The following CTNND2 variants were observed in gnomAD, a reference collection of about 807,000 sequenced individuals.
CTNND2 encodes catenin delta 2, also known as catenin delta-2.
A neutral mutation model predicts 144.4 loss-of-function variants in CTNND2; 22 were observed. That is an observed-to-expected ratio of 0.15 (90% CI 0.11 to 0.22). The LOEUF (loss-of-function observed/expected upper bound fraction) is 0.22. Ranked by LOEUF, CTNND2 falls within the 10% of genes least tolerant of loss-of-function variation. The pLI is 1.00. For missense variants in CTNND2, 1,353 were observed against 1,618.8 expected (o/e 0.84, Z 2.82); for synonymous variants, 751 against 695.6 (o/e 1.08, Z -1.25).
intron 1 of CTNND2, among the ~76,000 whole-genome samples, chr5:11,733,853 T>C (rs1207909687): frequency 6.6e-6 from 1 of 152,176 alleles, no homozygotes. Flanking sequence ...TTCCCATCTT[T>C]CCCGCACAAA....
chr5:11,338,626 CAT>C lies in CTNND2; in HGVS notation c.1628+7744_1628+7745del, dbSNP rs1290766205. Among the ~76,000 whole-genome samples, 4 of 152,288 alleles carry C rather than the reference CAT, an allele frequency of 2.6e-5. No individual in the cohort carries two copies. In the East Asian group the frequency reaches 7.7e-4, roughly 29 times the overall value. On this transcript the variant is annotated intron_variant, in intron 9 of 21. Transcript: ENST00000304623. ...GCCTGTCTCTCATTACTCTTGACCA[CAT>C]GATATCATGGAGGCCCCTATGCCAG...
rs61749776 is a variant in CTNND2, at chr5:11,409,944, A to G, written c.439+1592T>C. 3.3e-5 allele frequency among the ~76,000 whole-genome samples: 5 copies of G among 152,114 alleles called. No homozygotes were observed. In the East Asian group the frequency reaches 9.6e-4, roughly 29 times the overall value. On this transcript the variant is annotated intron_variant, in intron 5 of 21. Coordinates refer to ENST00000304623, the MANE Select transcript of CTNND2 (RefSeq NM_001332.4). ...TGTTTACTTTTTATTTAACTCATTA[A>G]TTATTTTCTGTACTTTCCATTTATT...
At position 11,404,628 on chromosome 5, in the gene CTNND2, T is replaced by C. The variant is rs1760936112; in HGVS notation, c.439+6908A>G. Among the ~76,000 whole-genome samples the C allele has an allele frequency of 1.8e-5, 2 of 113,914 alleles. 1 individual carries two copies. Among genetic ancestry groups the C allele is most frequent in the African/African-American group, 9.2e-5 (2 of 21,778 alleles). The allele number at this position is 113,914 out of a possible 152,430, so 74.7% of individuals were successfully genotyped here. ...TTTTTTTTTTTTTTTTTTTTTTTTT[T>C]TTTTTTTTAGACAAAGTCTGGCTCT... is the stretch of plus-strand genomic sequence containing the variant. On this transcript the variant is annotated intron_variant, in intron 5 of 21. Coordinates refer to ENST00000304623, the MANE Select transcript of CTNND2 (RefSeq NM_001332.4).
In CTNND2 at chr5:11,820,116, A is replaced by G. The variant is rs138164662; in HGVS notation, c.37+83701T>C. On this transcript the variant is annotated intron_variant, in intron 1 of 21. Coordinates refer to ENST00000304623, the MANE Select transcript of CTNND2 (RefSeq NM_001332.4). ...GGAAAGAAAATGTGAGTTCCCTGGT[A>G]CTTTCTGTCTGAGATGGACTCAGAT... 2.4e-3 allele frequency among the ~76,000 whole-genome samples: 372 copies of G among 152,280 alleles called. 2 individuals are homozygous for G. The highest frequency in any genetic ancestry group is 8.5e-3 in the African/African-American group (354 of 41,554).
intron 16 of CTNND2, among the ~76,000 whole-genome samples, chr5:11,072,690 T>C (rs1473935845): frequency 6.6e-6 from 1 of 152,234 alleles, no homozygotes; most frequent in East Asian, 1.9e-4. Flanking sequence ...GCTTTTTTCT[T>C]CTTCAGGCAA....
At chr5:11,480,192 G>A (rs1461654896) in intron 3 of CTNND2, among the ~76,000 whole-genome samples, 1 of 152,176 alleles carries the variant, frequency 6.6e-6, no homozygotes, top group Admixed American at 6.5e-5. Context: ...TGCGTGTGGT[G>A]TAAGGAAGGG....
At position 11,385,008 on chromosome 5, in the gene CTNND2, G is replaced by A; in HGVS notation, c.834C>T (p.Thr278=). The A allele has an allele frequency of 6.8e-7, 1 of 1,481,306 alleles. No homozygotes were observed. Among genetic ancestry groups the A allele is most frequent in the Non-Finnish European group, 8.9e-7 (1 of 1,123,664 alleles). 91.8% of individuals were successfully genotyped at this position (1,481,306 alleles called of 1,614,324 possible). Residue 278 remains threonine (T), a synonymous_variant, in exon 7 of 22, where the codon ACC becomes ACT. Coordinates refer to ENST00000304623, the MANE Select transcript of CTNND2 (RefSeq NM_001332.4). ...PLAAPQGGSP[T]KLQRGGSAPE... ...GGGCCGAGCCGCCGCGCTGCAGCTT[G>A]GTGGGCGAACCGCCCTGGGGCGCGG...
chr5:11,470,407 T>C (rs770156888), intron 3 of CTNND2, among the ~76,000 whole-genome samples: 69 of 152,112 alleles, frequency 4.5e-4, no homozygotes, highest in South Asian at 1.2e-3. Context: ...CACTCCAGCC[T>C]GGGTAACAAG....
At chr5:11,151,997 C>T (rs1244151309) in intron 12 of CTNND2, among the ~76,000 whole-genome samples, 1 of 152,010 alleles carries the variant, frequency 6.6e-6, no homozygotes, top group Non-Finnish European at 1.5e-5. Context: ...AGGGCACATA[C>T]AAAATTCCTA....
chr5:11,846,149 T>G (rs951589090), intron 1 of CTNND2, among the ~76,000 whole-genome samples: 2 of 152,104 alleles, frequency 1.3e-5, no homozygotes, highest in African/African-American at 2.4e-5. Flanking sequence ...AAAAAGAAAT[T>G]TTCTTACCTA....
At chr5:11,266,397 C>T (rs1237173686) in intron 9 of CTNND2, among the ~76,000 whole-genome samples, 2 of 152,202 alleles carry the variant, frequency 1.3e-5, no homozygotes, top group Admixed American at 6.5e-5. Flanking sequence ...TGGAACAAGA[C>T]ATAAAGCTGC....
intron 9 of CTNND2, among the ~76,000 whole-genome samples, chr5:11,237,275 T>G (rs1741757842): frequency 6.6e-6 from 1 of 152,132 alleles, no homozygotes; most frequent in African/African-American, 2.4e-5. Context: ...CACCTCGGCC[T>G]CCCAAAGTGC....
intron 15 of CTNND2, among the ~76,000 whole-genome samples, chr5:11,084,488 G>A (rs906979612): frequency 6.6e-6 from 1 of 152,216 alleles, no homozygotes; most frequent in Non-Finnish European, 1.5e-5. Context: ...AGAGAAGCTA[G>A]AAAAAGGAAG....
rs1162963434 is a variant in CTNND2 at position 11,181,756 on chromosome 5, GTA to G, written c.1975+17690_1975+17691del. The stretch of plus-strand genomic sequence containing the variant: ...GTGTGGCATGTGTGTGTGGATGTGT[GTA>G]TGTGTGTGTGTGTGTGTCTGTGTGT... On this transcript the variant is annotated intron_variant, in intron 11 of 21. Coordinates refer to ENST00000304623, the MANE Select transcript of CTNND2 (RefSeq NM_001332.4). 1.3e-4 allele frequency among the ~76,000 whole-genome samples: 18 copies of G among 133,526 alleles called. No homozygotes were observed. In the South Asian group the frequency reaches 1.7e-3, roughly 13 times the overall value. 87.6% of individuals were successfully genotyped at this position (133,526 alleles called of 152,430 possible).
chr5:11,670,306 T>C (rs139564997), intron 2 of CTNND2, among the ~76,000 whole-genome samples: 1,814 of 152,306 alleles, frequency 0.012, 31 homozygotes, highest in African/African-American at 0.038. Context: ...AATATCCTTG[T>C]AAATTTTCTG....
Position 11,904,021 on chromosome 5 carries a change from G to C in CTNND2, c.-168C>G. On this transcript the variant is annotated 5_prime_UTR_variant, in exon 1 of 22. Coordinates refer to ENST00000304623, the MANE Select transcript of CTNND2 (RefSeq NM_001332.4). This position sits in a 1 kb window ranked among gnomAD's most constrained non-coding sequence, Gnocchi z 4.2. ...GGCGGGCGGCAGGGGCGAGCGCCGC[G>C]GGCGAGAGGCGGCTCCCGACGCGAG... 1.5e-6 allele frequency: 1 copy of C among 683,976 alleles called. No individual in the cohort carries two copies. The highest frequency in any genetic ancestry group is 2.0e-6 in the Non-Finnish European group (1 of 504,652). The allele number at this position is 683,976 out of a possible 1,614,324, so 42.4% of individuals were successfully genotyped here.
chr5:11,095,944 A>G (rs1751303425), intron 15 of CTNND2, among the ~76,000 whole-genome samples: 1 of 151,948 alleles, frequency 6.6e-6, no homozygotes, highest in African/African-American at 2.4e-5. Flanking sequence ...ATTTTTTAAA[A>G]TATTTTTTTC....
At chr5:11,806,826 T>C (rs1355555456) in intron 1 of CTNND2, among the ~76,000 whole-genome samples, 2 of 151,766 alleles carry the variant, frequency 1.3e-5, no homozygotes, top group African/African-American at 4.8e-5. Flanking sequence ...TAATTGATCT[T>C]AAAAAAAAGA....
intron 2 of CTNND2, among the ~76,000 whole-genome samples, chr5:11,686,600 C>T (rs1183107260): frequency 6.6e-6 from 1 of 151,922 alleles, no homozygotes. Context: ...CCTTAGGCTC[C>T]ACATCAAAGT....
Sources: gnomAD v4.1 joint callset for allele counts (sites outside exome capture counted in the v4.1 genomes callset) on GRCh38, gnomAD v4.1.1 for gene constraint, Gnocchi (gnomAD v3.1) non-coding constraint, MANE v1.5 for transcripts, NCBI Gene and HGNC (gene_info 2026-07-23, HGNC 2026-07-21) for gene names.